The following ARHGAP28 variants were observed in gnomAD, a reference collection of about 807,000 sequenced individuals.
ARHGAP28 encodes Rho GTPase activating protein 28.
Under a neutral mutation model 90.7 loss-of-function variants are expected in ARHGAP28, and 56 were observed. That is an observed-to-expected ratio of 0.62 (90% CI 0.50 to 0.77). The LOEUF (loss-of-function observed/expected upper bound fraction) is 0.77, where lower values mean the gene tolerates loss of function less well. Among genes scored for constraint, ARHGAP28 ranks in the 30% least tolerant of loss-of-function variants. ARHGAP28 has a pLI of 0.00. For synonymous variants in ARHGAP28, 308 were observed against 323.3 expected, an observed-to-expected ratio of 0.95 and a Z score of 0.51; for missense variants, 869 against 900.9, an observed-to-expected ratio of 0.96 and a Z score of 0.45.
intron 2 of ARHGAP28, among the ~76,000 whole-genome samples, chr18:6,832,624 G>C (rs747551271): frequency 6.6e-6 from 1 of 151,908 alleles, no homozygotes; most frequent in Non-Finnish European, 1.5e-5. Flanking sequence ...TTGTTGAATT[G>C]ACTCATTTTA....
At chr18:6,803,079 A>G (rs1351841563) in intron 1 of ARHGAP28, among the ~76,000 whole-genome samples, 3 of 152,088 alleles carry the variant, frequency 2.0e-5, no homozygotes, top group Non-Finnish European at 2.9e-5. Context: ...TACCTTTTCT[A>G]TCTTTTTCTT....
At chr18:6,862,871 G>A (rs192149945) in intron 5 of ARHGAP28, among the ~76,000 whole-genome samples, 7 of 152,138 alleles carry the variant, frequency 4.6e-5, no homozygotes, top group African/African-American at 7.2e-5. Flanking sequence ...AGTCTTACAC[G>A]CATTTTCACA....
chr18:6,910,050 C>T (rs907319364), intron 17 of ARHGAP28, among the ~76,000 whole-genome samples: 2 of 152,228 alleles, frequency 1.3e-5, no homozygotes, highest in Non-Finnish European at 1.5e-5. Flanking sequence ...ATTTCTTCCT[C>T]CTTGTTATCT....
intron 1 of ARHGAP28, among the ~76,000 whole-genome samples, chr18:6,752,502 GTC>G (rs2056077492): frequency 6.6e-6 from 1 of 152,064 alleles, no homozygotes; most frequent in Non-Finnish European, 1.5e-5. Context: ...CTCTAACTTG[GTC>G]TCTCACAATC....
At chr18:6,810,107 G>A (rs774206228) in intron 1 of ARHGAP28, among the ~76,000 whole-genome samples, 1 of 152,052 alleles carries the variant, frequency 6.6e-6, no homozygotes, top group Admixed American at 6.5e-5. Context: ...GAGAAAGTTC[G>A]ATATAAGTTT....
chr18:6,809,094 T>C (rs2056538843), intron 1 of ARHGAP28, among the ~76,000 whole-genome samples: 1 of 152,238 alleles, frequency 6.6e-6, no homozygotes, highest in South Asian at 2.1e-4. Flanking sequence ...CCATGTGCTC[T>C]ATTTTGGAAA....
intron 4 of ARHGAP28, among the ~76,000 whole-genome samples, chr18:6,857,852 T>C (rs979321917): frequency 3.9e-5 from 6 of 152,252 alleles, no homozygotes; most frequent in African/African-American, 1.4e-4. Flanking sequence ...AGGAAATTAT[T>C]GTATGTTTCC....
At chr18:6,763,364 T>TG (rs2056177139) in intron 1 of ARHGAP28, among the ~76,000 whole-genome samples, 1 of 152,154 alleles carries the variant, frequency 6.6e-6, no homozygotes, top group African/African-American at 2.4e-5. Flanking sequence ...ATTACAAGTA[T>TG]GAGCCACCAC....
chr18:6,891,954 A>G (rs1225301217), intron 14 of ARHGAP28, among the ~76,000 whole-genome samples: 1 of 152,104 alleles, frequency 6.6e-6, no homozygotes, highest in Non-Finnish European at 1.5e-5. Flanking sequence ...GTCCAGGGAA[A>G]AGGACAGTAA....
intron 7 of ARHGAP28, among the ~76,000 whole-genome samples, chr18:6,873,173 A>G (rs1258769697): frequency 2.0e-5 from 3 of 152,198 alleles, no homozygotes; most frequent in Non-Finnish European, 2.9e-5. Flanking sequence ...CACAGTTGCA[A>G]TGGCAATGTT....
chr18:6,892,713 T>A (rs2057275532), intron 14 of ARHGAP28, among the ~76,000 whole-genome samples: 1 of 152,234 alleles, frequency 6.6e-6, no homozygotes. Flanking sequence ...TTTTGTAAAG[T>A]CTGTATTCTT....
At chr18:6,858,149 C>CT (rs369267684) in intron 4 of ARHGAP28, among the ~76,000 whole-genome samples, 49 of 150,858 alleles carry the variant, frequency 3.2e-4, no homozygotes, top group Non-Finnish European at 5.2e-4. Flanking sequence ...ATTTAGATCG[C>CT]TTTTTTTTTG....
At position 6,828,384 on chromosome 18, in the gene ARHGAP28, GGAGGAGA is replaced by G. The variant is rs371085342; in HGVS notation, c.325+3445_325+3451del. Among the ~76,000 whole-genome samples, 677 of 151,738 alleles carry G rather than the reference GGAGGAGA, an allele frequency of 4.5e-3. 3 individuals are homozygous for G. Among genetic ancestry groups the G allele is most frequent in the East Asian group, 0.029 (150 of 5,156 alleles). ...GACCGTGGGGAGAGGGAGAGACAGA[GGAGGAGA>G]GAGGAGAGAGGAGAGAGGAGAGAGC... On this transcript the variant is annotated intron_variant, in intron 2 of 17. Transcript: ENST00000383472.
At chr18:6,799,720 G>T (rs575134601) in intron 1 of ARHGAP28, among the ~76,000 whole-genome samples, 2 of 152,192 alleles carry the variant, frequency 1.3e-5, no homozygotes, top group South Asian at 4.2e-4. Flanking sequence ...ACTCAAGATG[G>T]ATTAAAGACT....
chr18:6,811,804 T>C (rs1321377560), intron 1 of ARHGAP28, among the ~76,000 whole-genome samples: 1 of 152,200 alleles, frequency 6.6e-6, no homozygotes, highest in Non-Finnish European at 1.5e-5. Flanking sequence ...GTTACTCAAA[T>C]AGCCATATGT....
intron 16 of ARHGAP28, among the ~76,000 whole-genome samples, chr18:6,905,420 A>G (rs758236893): frequency 6.6e-6 from 1 of 152,178 alleles, no homozygotes; most frequent in Non-Finnish European, 1.5e-5. Flanking sequence ...CTTGATAAAG[A>G]TTATCTACAA....
chr18:6,899,951 C>T (rs2057329654), intron 16 of ARHGAP28, among the ~76,000 whole-genome samples: 3 of 152,276 alleles, frequency 2.0e-5, no homozygotes, highest in South Asian at 4.2e-4. Flanking sequence ...CTCCCCTCCT[C>T]TTTTCTGGTG....
At chr18:6,753,978 A>G (rs181222342) in intron 1 of ARHGAP28, among the ~76,000 whole-genome samples, 22 of 152,358 alleles carry the variant, frequency 1.4e-4, no homozygotes, top group Admixed American at 5.2e-4. Context: ...TATTACATCA[A>G]TAGCTCTAAA....
intron 1 of ARHGAP28, chr18:6,773,969 C>T (rs2056263648): frequency 6.6e-6 from 1 of 152,204 alleles, no homozygotes; most frequent in African/African-American, 2.4e-5. Context: ...GTCCCACAGG[C>T]ACCACCTCCT....
Sources: allele counts gnomAD v4.1 joint callset (sites outside exome capture counted in the v4.1 genomes callset), GRCh38; gene constraint gnomAD v4.1.1; transcripts MANE v1.5; gene names NCBI Gene and HGNC (gene_info 2026-07-23, HGNC 2026-07-21).